Variants in PPP1R9B observed in about 807,000 individuals in gnomAD.
PPP1R9B encodes neurabin-2.
In PPP1R9B, 17 loss-of-function variants were observed where a neutral mutation model predicts 75.8. That is an observed-to-expected ratio of 0.22 (90% CI 0.15 to 0.34). The LOEUF is 0.34. Among genes scored for constraint, PPP1R9B ranks in the 10% least tolerant of loss-of-function variants. The pLI is 1.00. For missense variants in PPP1R9B, 875 were observed against 1,196.0 expected (o/e 0.73, Z 3.96); for synonymous variants, 509 against 535.4 (o/e 0.95, Z 0.68).
chr17:50,148,915 C>G (rs1272263058), intron 1 of PPP1R9B, among the ~76,000 whole-genome samples: 3 of 151,636 alleles, frequency 2.0e-5, no homozygotes, highest in Admixed American at 1.3e-4. Flanking sequence ...GGCGGAGGAA[C>G]CTGAGGGCAG....
intron 8 of PPP1R9B, 30 bp downstream of exon 8, chr17:50,135,938 G>GGCCC: frequency 1.2e-5 from 17 of 1,419,226 alleles, no homozygotes; most frequent in Non-Finnish European, 1.5e-5. Flanking sequence ...TGCTCCCTGG[G>GGCCC]CCCAGCCCGC....
At chr17:50,135,455 G>C (rs1912199927) in intron 9 of PPP1R9B, 71 bp from the exon 10 acceptor site, 1 of 1,578,902 alleles carries the variant, frequency 6.3e-7, no homozygotes, top group African/African-American at 1.3e-5. Context: ...CCGCCCCCCG[G>C]TGAGGACATG....
chr17:50,150,520 G>A lies in PPP1R9B; in HGVS notation c.-7C>T. 1.5e-6 allele frequency: 2 copies of A among 1,322,162 alleles called. No homozygotes were observed. The highest frequency in any genetic ancestry group is 6.3e-5 in the East Asian group (2 of 31,970). The allele number at this position is 1,322,162 out of a possible 1,614,324, so 81.9% of individuals were successfully genotyped here. On this transcript the variant is annotated 5_prime_UTR_variant, in exon 1 of 10. Coordinates refer to ENST00000612501, the MANE Select transcript of PPP1R9B (RefSeq NM_032595.5). This position sits in a 1 kb window ranked among gnomAD's most constrained non-coding sequence, Gnocchi z 8.7. ...GTGGCTCCGTCTTCATCATGGTGGG[G>A]GGAGCCGGGTTCGCATGCCCCTGCT...
rs945504792 is a variant in PPP1R9B, at chr17:50,138,145, G to A, written c.2073+1118C>T. Reference sequence around the variant, plus strand: ...CTGACATGCTTGTGTAAGCATCTGTGTATACTACGTGTGTGTGTGTGTGTG... The same window carrying A: ...CTGACATGCTTGTGTAAGCATCTGTATATACTACGTGTGTGTGTGTGTGTG... On this transcript the variant is annotated intron_variant, in intron 7 of 9. Transcript: ENST00000612501. 2.0e-5 allele frequency among the ~76,000 whole-genome samples: 3 copies of A among 147,922 alleles called. No homozygotes were observed. In the Admixed American group the frequency reaches 2.1e-4, roughly 10 times the overall value.
At chr17:50,146,404 C>T (rs8068888) in intron 1 of PPP1R9B, among the ~76,000 whole-genome samples, 1 of 152,122 alleles carries the variant, frequency 6.6e-6, no homozygotes, top group Non-Finnish European at 1.5e-5. Flanking sequence ...GTCTGAGCCC[C>T]GAGGAGTCAG....
intron 2 of PPP1R9B, among the ~76,000 whole-genome samples, chr17:50,144,564 A>G (rs917130952): frequency 1.3e-5 from 2 of 152,010 alleles, no homozygotes; most frequent in Admixed American, 1.3e-4. Flanking sequence ...TGCCCTCCCT[A>G]TGCAAATGCA....
Position 50,149,110 on chromosome 17 carries a change from C to CGGCGCGGGGGCAG in PPP1R9B, c.1371+20_1371+32dup. 7.6e-7 allele frequency: 1 copy of CGGCGCGGGGGCAG among 1,318,666 alleles called. No individual in the cohort carries two copies. The highest frequency in any genetic ancestry group is 1.7e-5 in the South Asian group (1 of 60,022). The allele number at this position is 1,318,666 out of a possible 1,614,324, so 81.7% of individuals were successfully genotyped here. On this transcript the variant is annotated intron_variant, in intron 1 of 9. Transcript: ENST00000612501. This position sits in a 1 kb window ranked among gnomAD's most constrained non-coding sequence, Gnocchi z 7.2. ...GGCGGCCGCGTGCACGTGGCAGGGG[C>CGGCGCGGGGGCAG]GGCGCGGGGGCAGGGCGGGGGGGCT...
rs868041226 is a variant in PPP1R9B at position 50,150,224 on chromosome 17, C to A, written c.290G>T (p.Arg97Leu). The A allele has an allele frequency of 6.9e-7, 1 of 1,444,604 alleles. No individual in the cohort carries two copies. The highest frequency in any genetic ancestry group is 9.1e-7 in the Non-Finnish European group (1 of 1,093,618). 89.5% of individuals were successfully genotyped at this position (1,444,604 alleles called of 1,614,324 possible). A position where few individuals can be genotyped will look rare whatever the true frequency, so the allele number is the denominator to read the frequency against. ...CACGTTCTCGTTCAGGCTGCTGGCCCGCGGCAGCGACAGGCGCACGCCGCG... is the reference window on the plus strand; with the variant it reads ...CACGTTCTCGTTCAGGCTGCTGGCCAGCGGCAGCGACAGGCGCACGCCGCG... ...SERGVRLSLP[R>L]ASSLNENVDH... The change falls in exon 1 of 10, where the codon CGG becomes CTG. Residue 97 changes from arginine (R) to leucine (L), a missense_variant. Around this residue, in one of 4 missense-constraint regions of PPP1R9B, gnomAD observed 145 missense variants for 226.1 expected, o/e 0.64. Coordinates refer to ENST00000612501, the MANE Select transcript of PPP1R9B (RefSeq NM_032595.5). This position sits in a 1 kb window ranked among gnomAD's most constrained non-coding sequence, Gnocchi z 8.7.
Position 50,150,519 on chromosome 17 carries a change from G to A in PPP1R9B, c.-6C>T. 2.3e-6 allele frequency: 3 copies of A among 1,322,206 alleles called. No individual in the cohort carries two copies. In the South Asian group the frequency reaches 5.8e-5, roughly 25 times the overall value. 81.9% of individuals were successfully genotyped at this position (1,322,206 alleles called of 1,614,324 possible). Reference sequence around the variant, plus strand: ...CGTGGCTCCGTCTTCATCATGGTGGGGGGAGCCGGGTTCGCATGCCCCTGC... The same window carrying A: ...CGTGGCTCCGTCTTCATCATGGTGGAGGGAGCCGGGTTCGCATGCCCCTGC... On this transcript the variant is annotated 5_prime_UTR_variant, in exon 1 of 10. Coordinates refer to ENST00000612501, the MANE Select transcript of PPP1R9B (RefSeq NM_032595.5). The surrounding 1 kb of genome is among the most constrained non-coding windows in gnomAD (Gnocchi z 8.7).
chr17:50,144,769 A>T (rs12451282), intron 2 of PPP1R9B, among the ~76,000 whole-genome samples: 1 of 151,894 alleles, frequency 6.6e-6, no homozygotes, highest in South Asian at 2.1e-4. Context: ...TGTGCCTTCC[A>T]TGTCTGCCTC....
In PPP1R9B at chr17:50,149,919, G is replaced by C. The variant is rs1374030671; in HGVS notation, c.595C>G (p.Leu199Val). ...GTGGGGGACACGGCGTCAGCGTCCAGCTTGTCCAGCGCCTCGGTGCTGCCG... is the reference window on the plus strand; with the variant it reads ...GTGGGGGACACGGCGTCAGCGTCCACCTTGTCCAGCGCCTCGGTGCTGCCG... ...FNGSTEALDK[L>V]DADAVSPTVS... The change falls in exon 1 of 10, where the codon CTG (leucine) becomes GTG (valine). Residue 199 changes from leucine (L) to valine (V), a missense_variant. By Grantham distance (32) the Leu-to-Val change is conservative. Coordinates refer to ENST00000612501, the MANE Select transcript of PPP1R9B (RefSeq NM_032595.5). The surrounding 1 kb of genome is among the most constrained non-coding windows in gnomAD (Gnocchi z 7.2). The C allele has an allele frequency of 6.6e-7, 1 of 1,509,906 alleles. No homozygotes were observed. Among genetic ancestry groups the C allele is most frequent in the East Asian group, 2.8e-5 (1 of 36,240 alleles). The allele number at this position is 1,509,906 out of a possible 1,614,324, so 93.5% of individuals were successfully genotyped here. A position where few individuals can be genotyped will look rare whatever the true frequency, so the allele number is the denominator to read the frequency against.
intron 3 of PPP1R9B, 50 bp from the exon 4 acceptor site, chr17:50,141,423 G>C (rs1265557282): frequency 7.8e-7 from 1 of 1,286,064 alleles, no homozygotes. Context: ...GAGGAGCGAG[G>C]GTAGAGGTAG....
In PPP1R9B at chr17:50,150,154, G is replaced by A. The variant is rs1170577862; in HGVS notation, c.360C>T (p.Arg120=). Residue 120 remains arginine (R), a synonymous_variant, in exon 1 of 10, where the codon CGC becomes CGT. Coordinates refer to ENST00000612501, the MANE Select transcript of PPP1R9B (RefSeq NM_032595.5). This position sits in a 1 kb window ranked among gnomAD's most constrained non-coding sequence, Gnocchi z 8.7. Reference sequence around the variant, plus strand: ...CGGGCTTGGAGTCGAAGCGGCTCACGCGCTCCGACACGCTGGTGCCCAGCT... The same window carrying A: ...CGGGCTTGGAGTCGAAGCGGCTCACACGCTCCGACACGCTGGTGCCCAGCT... ...LLKLGTSVSE[R]VSRFDSKPAP... is the part of the protein sequence containing the mutation. 2.1e-6 allele frequency: 3 copies of A among 1,446,054 alleles called. No homozygotes were observed. The highest frequency in any genetic ancestry group is 2.7e-6 in the Non-Finnish European group (3 of 1,102,540). 89.6% of individuals were successfully genotyped at this position (1,446,054 alleles called of 1,614,324 possible).
In PPP1R9B at chr17:50,139,901, A is replaced by G. The variant is rs1912323819; in HGVS notation, c.1866+192T>C. Among the ~76,000 whole-genome samples, 1 of 152,144 alleles carries G rather than the reference A, an allele frequency of 6.6e-6. No individual in the cohort carries two copies. The highest frequency in any genetic ancestry group is 2.1e-4 in the South Asian group (1 of 4,826). On this transcript the variant is annotated intron_variant, in intron 5 of 9. Coordinates refer to ENST00000612501, the MANE Select transcript of PPP1R9B (RefSeq NM_032595.5). The surrounding 1 kb of genome is among the most constrained non-coding windows in gnomAD (Gnocchi z 5.0). The stretch of plus-strand genomic sequence containing the variant: ...AGATTAGGGGCTATGCTCTCCCCGC[A>G]GACTGGGGGCTCTTTGAGAGGACTG...
Position 50,144,957 on chromosome 17 carries a change from G to C in PPP1R9B, c.1504+156C>G, listed in dbSNP as rs111341081. 8.8e-3 allele frequency among the ~76,000 whole-genome samples: 1,337 copies of C among 152,264 alleles called. 9 individuals carry two copies. The highest frequency in any genetic ancestry group is 0.015 in the Non-Finnish European group (1,006 of 68,026). ...CCTGTTTGCTCTGGGTGCTGACAAG[G>C]GAGGAGCGGGGAAGGTCACCAAGGG... On this transcript the variant is annotated intron_variant, in intron 2 of 9. Coordinates refer to ENST00000612501, the MANE Select transcript of PPP1R9B (RefSeq NM_032595.5).
chr17:50,149,528 A>C lies in PPP1R9B; in HGVS notation c.986T>G (p.Leu329Arg). The change falls in exon 1 of 10, where the codon CTG becomes CGG. Residue 329 changes from leucine (L) to arginine (R), a missense_variant. By Grantham distance (102) the Leu-to-Arg change is moderately radical. Transcript: ENST00000612501. This position sits in a 1 kb window ranked among gnomAD's most constrained non-coding sequence, Gnocchi z 7.2. ...AGTTGCCACGGTGCTGCCATTCTCC[A>C]GGGCCGCGTGGACCGTAACCTCGGC... is the stretch of plus-strand genomic sequence containing the variant. ...IQAEVTVHAA[L>R]ENGSTVATAA... is the part of the protein sequence containing the mutation. 2 of 1,591,806 alleles carry C rather than the reference A, an allele frequency of 1.3e-6. No individual in the cohort carries two copies. Among genetic ancestry groups the C allele is most frequent in the Non-Finnish European group, 1.7e-6 (2 of 1,171,252 alleles).
At position 50,143,730 on chromosome 17, in the gene PPP1R9B, A is replaced by G; in HGVS notation, c.1505-12T>C. On this transcript the variant is annotated splice_polypyrimidine_tract_variant and intron_variant, in intron 2 of 9. Transcript: ENST00000612501. ...CAGGCCCTCGGAGTCTGTGGAACAGAGAGTGGTGAGATGGCAGGGCTTGTA... is the reference window on the plus strand; with the variant it reads ...CAGGCCCTCGGAGTCTGTGGAACAGGGAGTGGTGAGATGGCAGGGCTTGTA... 6.2e-7 allele frequency: 1 copy of G among 1,613,680 alleles called. No homozygotes were observed. Among genetic ancestry groups the G allele is most frequent in the Non-Finnish European group, 8.5e-7 (1 of 1,179,844 alleles).
In PPP1R9B at chr17:50,149,785, C is replaced by T. The variant is rs367543197; in HGVS notation, c.729G>A (p.Leu243=). The T allele has an allele frequency of 7.1e-7, 1 of 1,411,086 alleles. No homozygotes were observed. The allele number at this position is 1,411,086 out of a possible 1,614,324, so 87.4% of individuals were successfully genotyped here. ...AAGVPQVNSK[L]VSKRSRVFQP... is the part of the protein sequence containing the mutation. ...GGAACACCCGGGACCGCTTGCTGAC[C>T]AGCTTCGAGTTGACCTGGGGAACCC... The change falls in exon 1 of 10, where the codon CTG becomes CTA. Residue 243 remains leucine, a synonymous_variant. Coordinates refer to ENST00000612501, the MANE Select transcript of PPP1R9B (RefSeq NM_032595.5). This position sits in a 1 kb window ranked among gnomAD's most constrained non-coding sequence, Gnocchi z 7.2.
At chr17:50,135,705 C>G in intron 8 of PPP1R9B, 56 bp from the exon 9 acceptor site, 1 of 1,425,632 alleles carries the variant, frequency 7.0e-7, no homozygotes. Flanking sequence ...GGCTTTCATC[C>G]AGGGTGACCC....
Sources: gnomAD v4.1 joint callset for allele counts (sites outside exome capture counted in the v4.1 genomes callset) on GRCh38, gnomAD v4.1.1 for gene constraint, gnomAD v4.1.1 regional missense constraint, Gnocchi (gnomAD v3.1) non-coding constraint, MANE v1.5 for transcripts, NCBI Gene and HGNC (gene_info 2026-07-23, HGNC 2026-07-21) for gene names.